Variants in AAK1 observed in about 807,000 individuals in gnomAD.
AAK1 encodes AP2 associated kinase 1.
Under a neutral mutation model 116.0 loss-of-function variants are expected in AAK1, and 37 were observed. That is an observed-to-expected ratio of 0.32 (90% CI 0.25 to 0.42). The LOEUF (loss-of-function observed/expected upper bound fraction) is 0.42, where lower values mean the gene tolerates loss of function less well. AAK1 is among the 10% of genes least tolerant of loss of function. The probability of loss-of-function intolerance (pLI) is 1.00; values close to 1 mark genes in which losing one functional copy is unlikely to be tolerated. For missense variants in AAK1, 919 were observed against 1,170.6 expected, an observed-to-expected ratio of 0.79 and a Z score of 3.14; for synonymous variants, 458 against 439.9, an observed-to-expected ratio of 1.04 and a Z score of -0.51.
At chr2:69,495,052 TTCAAGG>T (rs1273282117) in intron 17 of AAK1, among the ~76,000 whole-genome samples, 1 of 152,038 alleles carries the variant, frequency 6.6e-6, no homozygotes, top group African/African-American at 2.4e-5. Context: ...GTCCTGTCAG[TTCAAGG>T]TCAAGAGTTG....
chr2:69,501,753 T>C (rs916555611), intron 16 of AAK1, among the ~76,000 whole-genome samples: 1 of 152,208 alleles, frequency 6.6e-6, no homozygotes, highest in Non-Finnish European at 1.5e-5. Flanking sequence ...GTGGATCACC[T>C]GAGGTCACGA....
intron 2 of AAK1, among the ~76,000 whole-genome samples, chr2:69,616,580 G>A (rs1674339193): frequency 6.6e-6 from 1 of 152,036 alleles, no homozygotes; most frequent in Non-Finnish European, 1.5e-5. Context: ...TCCCTGTTAT[G>A]GGGGCCATCC....
intron 2 of AAK1, among the ~76,000 whole-genome samples, chr2:69,575,572 G>A (rs996370093): frequency 6.6e-6 from 1 of 150,816 alleles, no homozygotes; most frequent in Non-Finnish European, 1.5e-5. Flanking sequence ...TGGTTCAGGC[G>A]ATTCTCCTGC....
chr2:69,615,122 G>C (rs1674266353), intron 2 of AAK1, among the ~76,000 whole-genome samples: 1 of 152,092 alleles, frequency 6.6e-6, no homozygotes, highest in African/African-American at 2.4e-5. Context: ...TTTCCTCATG[G>C]GCACCATCAA....
intron 3 of AAK1, among the ~76,000 whole-genome samples, chr2:69,548,928 C>T (rs190371376): frequency 8.2e-4 from 124 of 151,950 alleles, no homozygotes; most frequent in African/African-American, 2.9e-3. Context: ...TAGAATAATG[C>T]CACTTCCTTA....
chr2:69,578,116 C>T (rs1163783503), intron 2 of AAK1, among the ~76,000 whole-genome samples: 5 of 152,100 alleles, frequency 3.3e-5, no homozygotes, highest in South Asian at 2.1e-4. Context: ...TTAATTACTA[C>T]GAGTCCAGGG....
rs1029365771 is a variant in AAK1, at chr2:69,466,449, A to G, written c.*9420T>C. The G allele has an allele frequency of 2.3e-5, 30 of 1,289,074 alleles. No homozygotes were observed. The African/African-American group carries it at 4.0e-4, about 17-fold the overall frequency. 79.9% of individuals were successfully genotyped at this position (1,289,074 alleles called of 1,614,324 possible). A position where few individuals can be genotyped will look rare whatever the true frequency, so the allele number is the denominator to read the frequency against. ...GTTGTTCTGAGTCTTTGTGCCAGGTACTCTGGAGGGGTCTGGATACAGCGG... is the reference window on the plus strand; with the variant it reads ...GTTGTTCTGAGTCTTTGTGCCAGGTGCTCTGGAGGGGTCTGGATACAGCGG... On this transcript the variant is annotated 3_prime_UTR_variant, in exon 22 of 22. Transcript: ENST00000409085.
In AAK1 at chr2:69,554,862, C is replaced by T. The variant is rs895015707; in HGVS notation, c.282+1998G>A. Among the ~76,000 whole-genome samples, 4 of 152,158 alleles carry T rather than the reference C, an allele frequency of 2.6e-5. No individual in the cohort carries two copies. The East Asian group carries it at 5.8e-4, about 22-fold the overall frequency. ...AAAAACAAAACTCTCACAGCTAATACGCCTCTGGGCCAAAACTTGAACCTG... is the reference window on the plus strand; with the variant it reads ...AAAAACAAAACTCTCACAGCTAATATGCCTCTGGGCCAAAACTTGAACCTG... On this transcript the variant is annotated intron_variant, in intron 3 of 21. Coordinates refer to ENST00000409085, the MANE Select transcript of AAK1 (RefSeq NM_014911.5).
rs6757825 is a variant in AAK1 at position 69,514,669 on chromosome 2, C to G, written c.1578G>C (p.Gln526His). 11 of 1,613,198 alleles carry G rather than the reference C, an allele frequency of 6.8e-6. No homozygotes were observed. The highest frequency in any genetic ancestry group is 1.7e-6 in the Non-Finnish European group (2 of 1,179,628). Residue 526 changes from glutamine to histidine, a missense_variant, in exon 13 of 22, where the codon CAG becomes CAC. By Grantham distance (24) the Gln-to-His change is conservative. Around this residue, in one of 4 missense-constraint regions of AAK1, gnomAD observed 214 missense variants for 210.6 expected, o/e 1.02. Transcript: ENST00000409085. ...GCTGCTGGTAGAAATTCTGCATTAG[C>G]TGCTGTTGAGAGCCTCCTTGGGACA... The part of the protein sequence containing the change: ...PVVSQGGSQQ[Q>H]LMQNFYQQQQ...
chr2:69,630,551 C>A (rs1002620733), intron 2 of AAK1, among the ~76,000 whole-genome samples: 1 of 152,222 alleles, frequency 6.6e-6, no homozygotes, highest in Non-Finnish European at 1.5e-5. Context: ...TTGCATACAT[C>A]ATTTAATTCT....
At chr2:69,489,754 T>C (rs1675447912) in intron 17 of AAK1, among the ~76,000 whole-genome samples, 1 of 152,190 alleles carries the variant, frequency 6.6e-6, no homozygotes, top group African/African-American at 2.4e-5. Flanking sequence ...AAATGAAATC[T>C]AGTCACTCTA....
chr2:69,586,377 T>C (rs1036207515), intron 2 of AAK1, among the ~76,000 whole-genome samples: 4 of 152,092 alleles, frequency 2.6e-5, no homozygotes, highest in South Asian at 4.1e-4. Context: ...CCATGGGCTT[T>C]GGAGGCAACT....
intron 2 of AAK1, among the ~76,000 whole-genome samples, chr2:69,633,741 G>A (rs1371268570): frequency 1.3e-5 from 2 of 152,156 alleles, no homozygotes; most frequent in South Asian, 2.1e-4. Flanking sequence ...AGGCTACCTA[G>A]TTTCTGATAT....
chr2:69,484,595 C>T (rs1164163865), intron 17 of AAK1, among the ~76,000 whole-genome samples: 2 of 152,128 alleles, frequency 1.3e-5, no homozygotes, highest in African/African-American at 4.8e-5. Flanking sequence ...GAGTTCGAGA[C>T]CAGCCTGGCC....
At chr2:69,623,291 AAGTC>A (rs1461720307) in intron 2 of AAK1, among the ~76,000 whole-genome samples, 1 of 152,200 alleles carries the variant, frequency 6.6e-6, no homozygotes, top group Admixed American at 6.5e-5. Flanking sequence ...TTCATTCTTG[AAGTC>A]AGTAAGACCA....
chr2:69,598,353 C>A, intron 2 of AAK1: 1 of 331,580 alleles, frequency 3.0e-6, no homozygotes. Flanking sequence ...TCCCTCCATA[C>A]TGCAGTGTGT....
chr2:69,525,135 G>A, intron 9 of AAK1, 23 bp from the exon 10 acceptor site: 1 of 1,608,876 alleles, frequency 6.2e-7, no homozygotes, highest in Middle Eastern at 1.7e-4. Flanking sequence ...AAACAAAACA[G>A]AACAAAACAA....
intron 5 of AAK1, among the ~76,000 whole-genome samples, chr2:69,533,972 C>T (rs1670359380): frequency 6.6e-6 from 1 of 152,150 alleles, no homozygotes; most frequent in African/African-American, 2.4e-5. Flanking sequence ...CAAAGTGACA[C>T]AGTCAAGCTT....
At chr2:69,510,805 A>G (rs558902189) in intron 13 of AAK1, among the ~76,000 whole-genome samples, 63 of 152,322 alleles carry the variant, frequency 4.1e-4, no homozygotes, top group African/African-American at 1.3e-3. Context: ...ACTTGTTTCA[A>G]TCTTCAGTTT....
Sources: allele counts gnomAD v4.1 joint callset (sites outside exome capture counted in the v4.1 genomes callset), GRCh38; gene constraint gnomAD v4.1.1; regional missense constraint gnomAD v4.1.1; transcripts MANE v1.5; gene names NCBI Gene and HGNC (gene_info 2026-07-23, HGNC 2026-07-21).